RFT1: variants seen among roughly 807,000 people sequenced by gnomAD.
RFT1 encodes the protein RFT1 glycolipid translocator homolog, also known as man(5)GlcNAc(2)-PP-dolichol translocation protein RFT1.
A neutral mutation model predicts 62.2 loss-of-function variants in RFT1; 43 were observed. The observed-to-expected ratio is 0.69, with a 90% CI of 0.54 to 0.89. The LOEUF (loss-of-function observed/expected upper bound fraction) is 0.89. RFT1 is among the 40% of genes least tolerant of loss of function. RFT1 has a pLI of 0.00. For missense variants in RFT1, 605 were observed against 649.9 expected, an observed-to-expected ratio of 0.93 and a Z score of 0.75; for synonymous variants, 262 against 264.6, an observed-to-expected ratio of 0.99 and a Z score of 0.10.
At chr3:53,105,536 G>A in intron 9 of RFT1, 137 bp downstream of exon 9, 1 of 1,125,890 alleles carries the variant, frequency 8.9e-7, no homozygotes, top group Non-Finnish European at 1.3e-6. Flanking sequence ...CCACTATCAT[G>A]AAGAATGTAA....
downstream of RFT1, among the ~76,000 whole-genome samples, chr3:53,084,282 C>T (rs1211540948): frequency 6.6e-6 from 1 of 152,216 alleles, no homozygotes; most frequent in Non-Finnish European, 1.5e-5. Flanking sequence ...GGTCCTCTGG[C>T]ACCCCTTATG....
At chr3:53,115,599 T>C (rs750366547) in intron 6 of RFT1, among the ~76,000 whole-genome samples, 57 of 152,204 alleles carry the variant, frequency 3.7e-4, no homozygotes, top group Non-Finnish European at 6.3e-4. Flanking sequence ...ACCCCAGTCA[T>C]CTCTACATTC....
At chr3:53,126,077 C>A (rs1392193880) in intron 1 of RFT1, 83 bp from the exon 2 acceptor site, 9 of 1,118,932 alleles carry the variant, frequency 8.0e-6, no homozygotes, top group African/African-American at 3.1e-5. Flanking sequence ...TGTGGCTGTT[C>A]TTCCTAATGT....
chr3:53,076,951 C>CAAA, the RFT1 span, among the ~76,000 whole-genome samples: 1 of 90,302 alleles, frequency 1.1e-5, no homozygotes, highest in Non-Finnish European at 2.4e-5. Context: ...GACCTCATCT[C>CAAA]AAAAAAAAAA....
intron 1 of RFT1, among the ~76,000 whole-genome samples, chr3:53,129,514 G>C (rs1200227326): frequency 2.0e-5 from 3 of 151,968 alleles, no homozygotes; most frequent in Non-Finnish European, 4.4e-5. Flanking sequence ...GGGTAGATTC[G>C]GGACTTGTGT....
intron 10 of RFT1, 133 bp from the exon 11 acceptor site, chr3:53,099,619 T>C (rs1701254000): frequency 2.8e-6 from 2 of 713,172 alleles, no homozygotes; most frequent in Admixed American, 2.0e-5. Flanking sequence ...GCAGACTGCA[T>C]GCTAGAGCCC....
chr3:53,109,459 T>C lies in RFT1; in HGVS notation c.775+2371A>G, dbSNP rs77568011. Reference sequence around the variant, plus strand: ...ATCTCAGTATTCTCAGCACCTGGCATAGTGTTCAGGAAATGTGGGGGCAGA... The same window carrying C: ...ATCTCAGTATTCTCAGCACCTGGCACAGTGTTCAGGAAATGTGGGGGCAGA... On this transcript the variant is annotated intron_variant, in intron 7 of 12. Transcript: ENST00000296292. Among the ~76,000 whole-genome samples the C allele has an allele frequency of 5.1e-4, 77 of 152,344 alleles. 1 individual carries two copies. The South Asian group carries it at 0.015, about 29-fold the overall frequency.
intron 9 of RFT1, 113 bp from the exon 10 acceptor site, chr3:53,104,210 C>A (rs1443445864): frequency 2.9e-6 from 3 of 1,048,432 alleles, no homozygotes; most frequent in Admixed American, 2.4e-5. Flanking sequence ...CTTCCAACAG[C>A]GTGATGGATA....
intron 11 of RFT1, among the ~76,000 whole-genome samples, chr3:53,097,140 A>G (rs2107085703): frequency 6.6e-6 from 1 of 152,316 alleles, no homozygotes. Flanking sequence ...GAAATGTCCA[A>G]TGCAAAGTCA....
the RFT1 span, among the ~76,000 whole-genome samples, chr3:53,078,713 G>T: frequency 1.3e-5 from 2 of 152,176 alleles, no homozygotes; most frequent in Non-Finnish European, 2.9e-5. Context: ...CTGCACTCCA[G>T]CCCAGGCAGC....
chr3:53,076,735 G>C, the RFT1 span, among the ~76,000 whole-genome samples: 18 of 152,238 alleles, frequency 1.2e-4, no homozygotes, highest in East Asian at 2.5e-3. Context: ...AGGATCGCTT[G>C]AGGCCAGGAG....
chr3:53,130,425 C>T lies in RFT1; in HGVS notation c.-25G>A. On this transcript the variant is annotated 5_prime_UTR_variant, in exon 1 of 13. Coordinates refer to ENST00000296292, the MANE Select transcript of RFT1 (RefSeq NM_052859.4). ...TAGCCTCCGCGCCAGGCTCAGACAC[C>T]AGGAAATGCCGCCGCCACTCCGTTT... is the stretch of plus-strand genomic sequence containing the variant. 2 of 1,550,430 alleles carry T rather than the reference C, an allele frequency of 1.3e-6. No individual in the cohort carries two copies. The highest frequency in any genetic ancestry group is 8.7e-7 in the Non-Finnish European group (1 of 1,146,814).
intron 9 of RFT1, among the ~76,000 whole-genome samples, 169 bp downstream of exon 9, chr3:53,105,504 A>T (rs1052056335): frequency 6.6e-6 from 1 of 152,052 alleles, no homozygotes; most frequent in African/African-American, 2.4e-5. Flanking sequence ...AAGGCCACGA[A>T]AGAAGAGGTG....
chr3:53,100,486 C>T (rs1701279774), intron 10 of RFT1, among the ~76,000 whole-genome samples: 1 of 152,138 alleles, frequency 6.6e-6, no homozygotes, highest in African/African-American at 2.4e-5. Context: ...TACACAAAAG[C>T]ATCTGTAGCA....
chr3:53,101,602 C>G (rs1701316421), intron 10 of RFT1, among the ~76,000 whole-genome samples: 1 of 152,178 alleles, frequency 6.6e-6, no homozygotes, highest in Non-Finnish European at 1.5e-5. Context: ...ACTGTCCCCC[C>G]AAAATAGATA....
intron 10 of RFT1, among the ~76,000 whole-genome samples, chr3:53,102,487 T>A (rs951867692): frequency 6.6e-6 from 1 of 152,116 alleles, no homozygotes; most frequent in African/African-American, 2.4e-5. Flanking sequence ...TGGGTTTTGC[T>A]TAAGGATAGA....
intron 11 of RFT1, among the ~76,000 whole-genome samples, chr3:53,097,210 G>A (rs1701167533): frequency 6.6e-6 from 1 of 151,916 alleles, no homozygotes; most frequent in Non-Finnish European, 1.5e-5. Flanking sequence ...ATCCTTGCTA[G>A]AGTTTTTTGT....
rs1700972529 is a variant in RFT1 at position 53,090,984 on chromosome 3, C to T, written c.*919G>A. The stretch of plus-strand genomic sequence containing the variant: ...AGGGACCTGACTCAGTAATACTAGC[C>T]ATATAGAGTTTGCCTTGTCTTATTC... On this transcript the variant is annotated 3_prime_UTR_variant, in exon 13 of 13. Transcript: ENST00000296292. 6.6e-6 allele frequency: 1 copy of T among 152,182 alleles called. No individual in the cohort carries two copies. The highest frequency in any genetic ancestry group is 2.4e-5 in the African/African-American group (1 of 41,430). The allele number at this position is 152,182 out of a possible 1,614,324, so 9.4% of individuals were successfully genotyped here.
chr3:53,075,834 G>C, the RFT1 span, among the ~76,000 whole-genome samples: 2 of 152,350 alleles, frequency 1.3e-5, no homozygotes, highest in South Asian at 4.2e-4. Context: ...ACGAGACACA[G>C]GGAAGTAGTA....
Sources: allele counts gnomAD v4.1 joint callset (sites outside exome capture counted in the v4.1 genomes callset), GRCh38; gene constraint gnomAD v4.1.1; transcripts MANE v1.5; gene names NCBI Gene and HGNC (gene_info 2026-07-23, HGNC 2026-07-21).